Variants in C20orf96 observed in about 807,000 individuals in gnomAD.
C20orf96 encodes chromosome 20 open reading frame 96.
In C20orf96, 57 loss-of-function variants were observed where a neutral mutation model predicts 52.6. The ratio of observed to expected loss-of-function variants is 1.08; its 90% CI spans 0.88 to 1.35. The LOEUF is 1.35. C20orf96 is among the 40% of genes most tolerant of loss of function. The probability of loss-of-function intolerance (pLI) is 0.00; values close to 1 mark genes in which losing one functional copy is unlikely to be tolerated. For missense variants in C20orf96, 478 were observed against 443.6 expected (o/e 1.08, Z -0.70); for synonymous variants, 168 against 157.2 (o/e 1.07, Z -0.51).
At position 290,625 on chromosome 20, in the gene C20orf96, G is replaced by C. The variant is rs75894565; in HGVS notation, c.-15C>G. The C allele has an allele frequency of 2.4e-3, 3,933 of 1,605,466 alleles. 84 individuals carry two copies. The African/African-American group carries it at 0.048, about 20-fold the overall frequency. On this transcript the variant is annotated 5_prime_UTR_variant, in exon 1 of 11. Coordinates refer to ENST00000360321, the MANE Select transcript of C20orf96 (RefSeq NM_153269.3). Reference sequence around the variant, plus strand: ...ACATGCGCCATTGGGGAAAATGGAAGAGAAGTTGCGAGTCTGTGAGACCCT... The same window carrying C: ...ACATGCGCCATTGGGGAAAATGGAACAGAAGTTGCGAGTCTGTGAGACCCT...
rs1442257443 is a variant in C20orf96, at chr20:279,344, G to T, written c.307-14C>A. The T allele has an allele frequency of 6.9e-6, 11 of 1,599,490 alleles. No homozygotes were observed. The highest frequency in any genetic ancestry group is 3.3e-4 in the Middle Eastern group (2 of 6,034). ...CCTGAGCGAGGTCTGCGGGCGGAGG[G>T]AAGAGCAGAGAGGCGGCGCTGCGCC... On this transcript the variant is annotated splice_polypyrimidine_tract_variant and intron_variant, in intron 4 of 10. Coordinates refer to ENST00000360321, the MANE Select transcript of C20orf96 (RefSeq NM_153269.3).
chr20:279,109 AGGGAGGGAGGGACGGAGGTT>A, intron 5 of C20orf96, 43 bp downstream of exon 5: 2 of 766,088 alleles, frequency 2.6e-6, no homozygotes, highest in East Asian at 7.2e-5. Context: ...GGACGGAGGG[AGGGAGGGAGGGACGGAGGTT>A]GGGACGGAGG....
intron 10 of C20orf96, 36 bp downstream of exon 10, chr20:275,932 A>G (rs6075567): frequency 0.49 from 765,083 of 1,576,966 alleles, 187,203 homozygotes; most frequent in East Asian, 0.53. Context: ...TCAGAGTGTG[A>G]CTGGTTTAAG....
intron 1 of C20orf96, 28 bp downstream of exon 1, chr20:290,563 A>AATTTTT: frequency 1.5e-6 from 2 of 1,309,056 alleles, no homozygotes; most frequent in African/African-American, 4.0e-5. Context: ...CTTTCTTCCA[A>AATTTTT]TTTTTTTTTT....
intron 10 of C20orf96, among the ~76,000 whole-genome samples, chr20:271,554 A>C (rs527887318): frequency 6.6e-6 from 1 of 152,164 alleles, no homozygotes; most frequent in African/African-American, 2.4e-5. Context: ...TGAGGTCAAG[A>C]GGGAGCAGGA....
rs745354557 is a variant in C20orf96 at position 278,363 on chromosome 20, C to A, written c.532G>T (p.Glu178Ter). ...RLQQLKSELQ[E>*]WEEKKKCKMS... ...TTGCATTTCTTCTTTTCTTCCCACT[C>A]CTGAAGCTCAGATTTCAATTGCTGC... Residue 178 changes from glutamate to a stop codon, truncating the protein, a stop_gained, in exon 6 of 11, where the codon GAG (glutamate) becomes TAG (stop). Transcript: ENST00000360321. LOFTEE classifies it high-confidence loss of function. 2 of 1,614,052 alleles carry A rather than the reference C, an allele frequency of 1.2e-6. No homozygotes were observed. The highest frequency in any genetic ancestry group is 1.3e-5 in the African/African-American group (1 of 75,032).
intron 3 of C20orf96, among the ~76,000 whole-genome samples, 156 bp downstream of exon 3, chr20:289,403 A>G (rs1022039066): frequency 8.5e-5 from 13 of 152,210 alleles, no homozygotes; most frequent in Admixed American, 2.0e-4. Flanking sequence ...CTGTGGCATA[A>G]ATGAGATATA....
rs545662321 is a variant in C20orf96, at chr20:279,292, G to A, written c.345C>T (p.Leu115=). ...LRSGRAALRE[L]RSRENFLSKL... ...TGCTGAGGAAGTTCTCACGGCTTCGGAGCTCTCGCAGAGCGGCCCTCCCGC... is the reference window on the plus strand; with the variant it reads ...TGCTGAGGAAGTTCTCACGGCTTCGAAGCTCTCGCAGAGCGGCCCTCCCGC... The change falls in exon 5 of 11, where the codon CTC becomes CTT. Residue 115 remains leucine (L), a synonymous_variant. Coordinates refer to ENST00000360321, the MANE Select transcript of C20orf96 (RefSeq NM_153269.3). 2 of 1,609,286 alleles carry A rather than the reference G, an allele frequency of 1.2e-6. No homozygotes were observed. The highest frequency in any genetic ancestry group is 2.2e-5 in the East Asian group (1 of 44,728).
intron 3 of C20orf96, among the ~76,000 whole-genome samples, chr20:288,633 G>GTA (rs2012459174): frequency 6.6e-6 from 1 of 152,128 alleles, no homozygotes; most frequent in African/African-American, 2.4e-5. Context: ...CATCAGTGAG[G>GTA]TAAAATAAGG....
chr20:271,499 G>A (rs989241600), intron 10 of C20orf96, among the ~76,000 whole-genome samples: 6 of 150,322 alleles, frequency 4.0e-5, no homozygotes, highest in East Asian at 1.9e-4. Context: ...CATCAAAAAT[G>A]GAAAAGAAAT....
In C20orf96 at chr20:279,307, G is replaced by T. The variant is rs201421434; in HGVS notation, c.330C>A (p.Ala110=). ...LMKTSLRSGR[A]ALRELRSREN... ...CACGGCTTCGGAGCTCTCGCAGAGCGGCCCTCCCGCTCCTGAGCGAGGTCT... is the reference window on the plus strand; with the variant it reads ...CACGGCTTCGGAGCTCTCGCAGAGCTGCCCTCCCGCTCCTGAGCGAGGTCT... Residue 110 remains alanine (A), a synonymous_variant, in exon 5 of 11, where the codon GCC becomes GCA. Transcript: ENST00000360321. 9.9e-5 allele frequency: 159 copies of T among 1,607,388 alleles called. No individual in the cohort carries two copies. The highest frequency in any genetic ancestry group is 2.7e-4 in the Admixed American group (16 of 59,918).
chr20:274,791 G>C (rs1173819961), intron 10 of C20orf96, among the ~76,000 whole-genome samples: 1 of 151,200 alleles, frequency 6.6e-6, no homozygotes. Context: ...TGTCCTAACA[G>C]TTGCTTTCTT....
rs111686463 is a variant in C20orf96, at chr20:276,219, C to T, written c.913-133G>A. 1,801 of 1,531,960 alleles carry T rather than the reference C, an allele frequency of 1.2e-3. 13 individuals are homozygous for T. The African/African-American group carries it at 0.016, about 13-fold the overall frequency. The allele number at this position is 1,531,960 out of a possible 1,614,324, so 94.9% of individuals were successfully genotyped here. ...GGTTCTGTCACTGGGACTTGCTGGA[C>T]TCCAGGGAGGGGACTTCCCCATGCA... On this transcript the variant is annotated intron_variant, in intron 9 of 10. Coordinates refer to ENST00000360321, the MANE Select transcript of C20orf96 (RefSeq NM_153269.3).
At chr20:281,161 G>GTAAA (rs527688757) in intron 4 of C20orf96, among the ~76,000 whole-genome samples, 149 of 152,070 alleles carry the variant, frequency 9.8e-4, no homozygotes, top group East Asian at 4.6e-3. Context: ...GTCTCTAAAA[G>GTAAA]TAAATAAATA....
At chr20:278,930 C>CGGAG (rs143989425) in intron 5 of C20orf96, among the ~76,000 whole-genome samples, 6 of 9,596 alleles carry the variant, frequency 6.3e-4, no homozygotes, top group Admixed American at 1.6e-3. Flanking sequence ...CGCGAGTGCG[C>CGGAG]GGAGGGAGGG....
chr20:278,752 G>A (rs966711775), intron 5 of C20orf96, among the ~76,000 whole-genome samples: 4 of 149,142 alleles, frequency 2.7e-5, no homozygotes, highest in Non-Finnish European at 5.9e-5. Context: ...AGCTCGGGGA[G>A]GCAAAGTTAA....
intron 4 of C20orf96, among the ~76,000 whole-genome samples, chr20:281,705 A>G (rs1007919163): frequency 7.2e-5 from 11 of 152,234 alleles, no homozygotes; most frequent in African/African-American, 2.7e-4. Flanking sequence ...GCAGTCGGGC[A>G]CAGTGGTTCA....
chr20:284,125 G>T, intron 3 of C20orf96, 44 bp from the exon 4 acceptor site: 1 of 1,514,080 alleles, frequency 6.6e-7, no homozygotes, highest in Non-Finnish European at 9.2e-7. Context: ...GAGGGTCCCG[G>T]AAGGCCTGAG....
At position 290,369 on chromosome 20, in the gene C20orf96, C is replaced by T. The variant is rs750002893; in HGVS notation, c.21-62G>A. The T allele has an allele frequency of 2.5e-6, 4 of 1,593,182 alleles. No homozygotes were observed. The South Asian group carries it at 4.5e-5, about 18-fold the overall frequency. ...CCCCAGCCCAAGGGGCAGCAAGCAG[C>T]AATTCGAAACAGGATTGGAGTCTCG... On this transcript the variant is annotated intron_variant, in intron 1 of 10. Transcript: ENST00000360321.
Sources: gnomAD v4.1 joint callset for allele counts (sites outside exome capture counted in the v4.1 genomes callset) on GRCh38, gnomAD v4.1.1 for gene constraint, MANE v1.5 for transcripts, NCBI Gene and HGNC (gene_info 2026-07-23, HGNC 2026-07-21) for gene names.